NBPF3: variants seen among roughly 807,000 people sequenced by gnomAD.
NBPF3 encodes the protein NBPF member 3, also known as NBPF family member NBPF3.
Under a neutral mutation model 78.1 loss-of-function variants are expected in NBPF3, and 57 were observed. The ratio of observed to expected loss-of-function variants is 0.73; its 90% CI spans 0.59 to 0.91. NBPF3 has a LOEUF of 0.91. Ranked by LOEUF, NBPF3 falls within the 40% of genes least tolerant of loss-of-function variation. The probability of loss-of-function intolerance (pLI) is 0.00; values close to 1 mark genes in which losing one functional copy is unlikely to be tolerated. For missense variants in NBPF3, 510 were observed against 715.3 expected (o/e 0.71, Z 3.27); for synonymous variants, 182 against 271.7 (o/e 0.67, Z 3.25).
At chr1:21,439,764 A>G (rs960833009), upstream of NBPF3, among the ~76,000 whole-genome samples, 3 of 151,978 alleles carry the variant, frequency 2.0e-5, no homozygotes, top group Non-Finnish European at 4.4e-5. Flanking sequence ...CCATCTTTTC[A>G]GAAAAAAATA....
intron 2 of NBPF3, among the ~76,000 whole-genome samples, chr1:21,462,177 A>G (rs1292812171): frequency 6.6e-6 from 1 of 152,086 alleles, no homozygotes; most frequent in African/African-American, 2.4e-5. Context: ...CTATGAGCAA[A>G]AGGCACCTCT....
intron 10 of NBPF3, 148 bp downstream of exon 10, chr1:21,479,548 A>C: frequency 1.3e-6 from 1 of 768,000 alleles, no homozygotes; most frequent in South Asian, 1.4e-5. Flanking sequence ...GGTTCTCATT[A>C]CAGTAAATGT....
intron 2 of NBPF3, among the ~76,000 whole-genome samples, chr1:21,455,192 C>G (rs9426753): frequency 6.6e-6 from 1 of 152,248 alleles, no homozygotes; most frequent in African/African-American, 2.4e-5. Context: ...AGGAACTCAC[C>G]TTCACTAGGT....
In NBPF3 at chr1:21,483,202, G is replaced by C; in HGVS notation, c.1718G>C (p.Arg573Thr). The C allele has an allele frequency of 1.9e-6, 3 of 1,592,142 alleles. No homozygotes were observed. Among genetic ancestry groups the C allele is most frequent in the Non-Finnish European group, 2.6e-6 (3 of 1,170,074 alleles). The change falls in exon 15 of 15, where the codon AGA (arginine) becomes ACA (threonine). Residue 573 changes from arginine to threonine, a missense_variant. This residue lies in a region of NBPF3 where 25 missense variants were observed against 27.3 expected (regional missense o/e 0.92). Coordinates refer to ENST00000318249, the MANE Select transcript of NBPF3 (RefSeq NM_032264.6). ...EPEVLQDSLD[R>T]CYSTTSTYFQ... ...GAAGTCTTGCAGGACTCACTGGATAGATGTTATTCGACTACTTCAACTTAC... is the reference window on the plus strand; with the variant it reads ...GAAGTCTTGCAGGACTCACTGGATACATGTTATTCGACTACTTCAACTTAC...
At chr1:21,483,095 G>T (rs1425073083) in intron 14 of NBPF3, 48 bp from the exon 15 acceptor site, 1 of 1,610,984 alleles carries the variant, frequency 6.2e-7, no homozygotes, top group Admixed American at 1.7e-5. Flanking sequence ...GGGCTCTGTG[G>T]TGTCTGATTT....
At chr1:21,465,445 G>T (rs559517012) in intron 2 of NBPF3, among the ~76,000 whole-genome samples, 3 of 152,232 alleles carry the variant, frequency 2.0e-5, no homozygotes, top group Non-Finnish European at 1.5e-5. Context: ...GATCAACTTG[G>T]GGGTGGGACC....
upstream of NBPF3, among the ~76,000 whole-genome samples, chr1:21,439,146 G>T (rs1198021457): frequency 6.6e-6 from 1 of 152,166 alleles, no homozygotes; most frequent in Admixed American, 6.5e-5. Context: ...GGGTGTGGTG[G>T]CACACGCCTG....
intron 10 of NBPF3, among the ~76,000 whole-genome samples, chr1:21,479,797 T>TCC: frequency 1.5e-5 from 1 of 68,950 alleles, no homozygotes; most frequent in African/African-American, 3.9e-5. Flanking sequence ...TCACTATCTC[T>TCC]CTCTCTCTCT....
In NBPF3 at chr1:21,477,033, C is replaced by T. The variant is rs564477926; in HGVS notation, c.993-1111C>T. On this transcript the variant is annotated intron_variant, in intron 8 of 14. Transcript: ENST00000318249. Reference sequence around the variant, plus strand: ...CACTTCATTTCATTAATTTGATCTTCAATCACTAATACCCTTTCTTCCACT... The same window carrying T: ...CACTTCATTTCATTAATTTGATCTTTAATCACTAATACCCTTTCTTCCACT... Among the ~76,000 whole-genome samples the T allele has an allele frequency of 3.3e-5, 5 of 152,310 alleles. No individual in the cohort carries two copies. The East Asian group carries it at 9.6e-4, about 29-fold the overall frequency.
intron 2 of NBPF3, among the ~76,000 whole-genome samples, chr1:21,452,197 C>T (rs992985161): frequency 2.6e-5 from 4 of 152,146 alleles, no homozygotes; most frequent in African/African-American, 7.2e-5. Flanking sequence ...ATTTATAACA[C>T]GCAAGTTTGC....
intron 2 of NBPF3, among the ~76,000 whole-genome samples, chr1:21,458,780 G>A (rs1641780712): frequency 6.6e-6 from 1 of 152,148 alleles, no homozygotes; most frequent in African/African-American, 2.4e-5. Context: ...ACTGCAAAGG[G>A]GTACAAGAAA....
rs1643233819 is a variant in NBPF3, at chr1:21,481,598, C to A, written c.1435C>A (p.Leu479Ile). The change falls in exon 13 of 15, where the codon CTC (leucine) becomes ATC (isoleucine). Residue 479 changes from leucine to isoleucine, a missense_variant and splice_region_variant. Leu to Ile is a conservative substitution (Grantham distance 5, BLOSUM62 2). Around this residue, in one of 5 missense-constraint regions of NBPF3, gnomAD observed 5 missense variants for 84.7 expected, o/e 0.06. Transcript: ENST00000318249. ...TCTTTACTTTTTCTACTTTTCCAGG[C>A]TCAGCAGAGAGCTGCCGGAGGTAGT... is the stretch of plus-strand genomic sequence containing the variant. ...EEDQGPPCPRLSRELPEVVEP... is the reference protein window; with the variant it reads ...EEDQGPPCPRISRELPEVVEP... 3.1e-6 allele frequency: 5 copies of A among 1,611,702 alleles called. No individual in the cohort carries two copies. The highest frequency in any genetic ancestry group is 3.4e-6 in the Non-Finnish European group (4 of 1,178,836).
At chr1:21,479,428 A>T in intron 10 of NBPF3, 28 bp downstream of exon 10, 1 of 1,602,254 alleles carries the variant, frequency 6.2e-7, no homozygotes, top group Non-Finnish European at 8.5e-7. Context: ...TGGACAGTTA[A>T]TTTGATGTTG....
intron 9 of NBPF3, among the ~76,000 whole-genome samples, chr1:21,478,957 C>T (rs1013890907): frequency 1.3e-5 from 2 of 152,226 alleles, no homozygotes; most frequent in Non-Finnish European, 2.9e-5. Flanking sequence ...ACCCCTCCAT[C>T]AAATCTCAGT....
chr1:21,468,728 G>C lies in NBPF3; in HGVS notation c.174G>C (p.Val58=), dbSNP rs757666596. 3 of 1,613,420 alleles carry C rather than the reference G, an allele frequency of 1.9e-6. No homozygotes were observed. Among genetic ancestry groups the C allele is most frequent in the South Asian group, 1.1e-5 (1 of 91,058 alleles). ...PTSSATNVSM[V]VSAGPWSGEK... The stretch of plus-strand genomic sequence containing the variant: ...CTTCTGCCACAAACGTCAGCATGGT[G>C]GTATCTGCCGGCCCTTGGTCCGGTG... Residue 58 remains valine, a synonymous_variant, in exon 3 of 15, where the codon GTG becomes GTC. Transcript: ENST00000318249.
In NBPF3 at chr1:21,468,701, C is replaced by G; in HGVS notation, c.147C>G (p.Thr49=). The G allele has an allele frequency of 1.2e-6, 2 of 1,613,356 alleles. No homozygotes were observed. The highest frequency in any genetic ancestry group is 1.7e-6 in the Non-Finnish European group (2 of 1,179,372). Residue 49 remains threonine (T), a synonymous_variant, in exon 3 of 15, where the codon ACC becomes ACG. Coordinates refer to ENST00000318249, the MANE Select transcript of NBPF3 (RefSeq NM_032264.6). ...TCTTCTCCCCAGTCCCTGGCCCCACCTCTTCTGCCACAAACGTCAGCATGG... is the reference window on the plus strand; with the variant it reads ...TCTTCTCCCCAGTCCCTGGCCCCACGTCTTCTGCCACAAACGTCAGCATGG... ...ELRDPTVPGP[T]SSATNVSMVV...
chr1:21,454,908 CCTCACAGGCTGAAA>C (rs1444447369), intron 2 of NBPF3, among the ~76,000 whole-genome samples: 3 of 152,206 alleles, frequency 2.0e-5, no homozygotes, highest in African/African-American at 7.2e-5. Flanking sequence ...CTTCTCAGGG[CCTCACAGGCTGAAA>C]TTAGGCTGGG....
In NBPF3 at chr1:21,445,229, C is replaced by T; in HGVS notation, c.133+10C>T. The T allele has an allele frequency of 6.2e-7, 1 of 1,610,706 alleles. No individual in the cohort carries two copies. Among genetic ancestry groups the T allele is most frequent in the Non-Finnish European group, 8.5e-7 (1 of 1,178,874 alleles). ...CTGCGAGATCCAACAGGTAAAAATC[C>T]CGAGGCATTGCCAGCTCGGTGGGGT... On this transcript the variant is annotated intron_variant, in intron 2 of 14. Coordinates refer to ENST00000318249, the MANE Select transcript of NBPF3 (RefSeq NM_032264.6).
At chr1:21,449,202 G>T (rs112045051) in intron 2 of NBPF3, among the ~76,000 whole-genome samples, 1 of 152,062 alleles carries the variant, frequency 6.6e-6, no homozygotes, top group African/African-American at 2.4e-5. Flanking sequence ...ATGTGTTTGG[G>T]ACTTTATATA....
Sources: gnomAD v4.1 joint callset for allele counts (sites outside exome capture counted in the v4.1 genomes callset) on GRCh38, gnomAD v4.1.1 for gene constraint, gnomAD v4.1.1 regional missense constraint, MANE v1.5 for transcripts, NCBI Gene and HGNC (gene_info 2026-07-23, HGNC 2026-07-21) for gene names.